ZNF330: variants seen among roughly 807,000 people sequenced by gnomAD.
The protein encoded by ZNF330 is zinc finger protein 330.
A neutral mutation model predicts 45.5 loss-of-function variants in ZNF330; 31 were observed. That is an observed-to-expected ratio of 0.68 (90% CI 0.51 to 0.92). ZNF330 has a LOEUF of 0.92. Ranked by LOEUF, ZNF330 falls within the 40% of genes least tolerant of loss-of-function variation. The pLI, the probability that ZNF330 is intolerant of heterozygous loss-of-function variation, is 0.00. For missense variants in ZNF330, 356 were observed against 387.4 expected (o/e 0.92, Z 0.68); for synonymous variants, 138 against 123.2 (o/e 1.12, Z -0.79).
chr4:141,223,545 T>G lies in ZNF330; in HGVS notation c.121-942T>G, dbSNP rs535298734. On this transcript the variant is annotated intron_variant, in intron 2 of 9. Transcript: ENST00000262990. ...ATTGTGCCTCAGAGAAGGAAAGAACTCTGAAAGGCTGGACTTCACCCAGTG... is the reference window on the plus strand; with the variant it reads ...ATTGTGCCTCAGAGAAGGAAAGAACGCTGAAAGGCTGGACTTCACCCAGTG... Among the ~76,000 whole-genome samples, 490 of 152,326 alleles carry G rather than the reference T, an allele frequency of 3.2e-3. 3 individuals carry two copies. Among genetic ancestry groups the G allele is most frequent in the Non-Finnish European group, 1.7e-3 (117 of 68,038 alleles).
intron 7 of ZNF330, among the ~76,000 whole-genome samples, chr4:141,230,728 T>C (rs1474278889): frequency 5.9e-5 from 9 of 152,102 alleles, no homozygotes; most frequent in Admixed American, 3.3e-4. Context: ...ATAATGTAGA[T>C]GTCCAGGCCT....
chr4:141,224,717 C>CT (rs1188058093), intron 4 of ZNF330, 40 bp downstream of exon 4: 1 of 1,560,008 alleles, frequency 6.4e-7, no homozygotes, highest in Non-Finnish European at 8.8e-7. Context: ...TTTTTATCAA[C>CT]TGGTAGTTCA....
At chr4:141,226,477 T>C (rs966647302) in intron 4 of ZNF330, among the ~76,000 whole-genome samples, 5 of 152,156 alleles carry the variant, frequency 3.3e-5, no homozygotes, top group African/African-American at 4.8e-5. Context: ...ATCATTAGAT[T>C]ACAAAGCATA....
chr4:141,232,090 C>T (rs1728974523), intron 8 of ZNF330, among the ~76,000 whole-genome samples: 1 of 152,072 alleles, frequency 6.6e-6, no homozygotes, highest in Admixed American at 6.6e-5. Flanking sequence ...CTTCGTGTCT[C>T]TAAGATGCCT....
At chr4:141,221,990 G>T (rs1477475116) in intron 1 of ZNF330, among the ~76,000 whole-genome samples, 2 of 152,066 alleles carry the variant, frequency 1.3e-5, no homozygotes, top group Admixed American at 1.3e-4. Context: ...GCTAAATAAT[G>T]CTCTTATTAA....
intron 4 of ZNF330, among the ~76,000 whole-genome samples, chr4:141,226,432 T>C (rs1316886099): frequency 6.6e-6 from 1 of 152,172 alleles, no homozygotes; most frequent in African/African-American, 2.4e-5. Flanking sequence ...TTTTGAATAA[T>C]CTGAAGATTG....
At position 141,233,782 on chromosome 4, in the gene ZNF330, T is replaced by G. The variant is rs1330305186; in HGVS notation, c.756T>G (p.Ala252=). The G allele has an allele frequency of 6.2e-7, 1 of 1,613,648 alleles. No individual in the cohort carries two copies. Among genetic ancestry groups the G allele is most frequent in the South Asian group, 1.1e-5 (1 of 91,072 alleles). The change falls in exon 10 of 10, where the codon GCT becomes GCG. Residue 252 remains alanine, a synonymous_variant. Coordinates refer to ENST00000262990, the MANE Select transcript of ZNF330 (RefSeq NM_014487.6). ...EEGDGASGYD[A]YWKNLSSDKY... is the part of the protein sequence containing the mutation. Reference sequence around the variant, plus strand: ...GAGATGGAGCTTCTGGGTATGATGCTTATTGGAAGAACCTTTCATCTGATA... The same window carrying G: ...GAGATGGAGCTTCTGGGTATGATGCGTATTGGAAGAACCTTTCATCTGATA...
intron 5 of ZNF330, among the ~76,000 whole-genome samples, chr4:141,227,486 G>T (rs1316221896): frequency 6.6e-6 from 1 of 152,072 alleles, no homozygotes; most frequent in African/African-American, 2.4e-5. Flanking sequence ...TTTTATGGCT[G>T]TATAGTATTC....
At position 141,224,487 on chromosome 4, in the gene ZNF330, G is replaced by T; in HGVS notation, c.121G>T (p.Glu41Ter). 6.2e-7 allele frequency: 1 copy of T among 1,606,556 alleles called. No homozygotes were observed. The highest frequency in any genetic ancestry group is 8.5e-7 in the Non-Finnish European group (1 of 1,175,072). The change falls in exon 3 of 10, where the codon GAA becomes TAA. Residue 41 changes from glutamate to a stop codon, truncating the protein, a stop_gained and splice_region_variant. Transcript: ENST00000262990. LOFTEE classifies it high-confidence loss of function. ...AATGTGATATTTTTATATGTTACAG[G>T]AATGTGACAAGTGTCAGAGGTAAAT... The part of the protein sequence containing the change: ...LAKHPCNASM[E>*]CDKCQRRQKN...
At chr4:141,222,202 T>C (rs1728695849) in intron 1 of ZNF330, among the ~76,000 whole-genome samples, 164 bp from the exon 2 acceptor site, 6 of 152,160 alleles carry the variant, frequency 3.9e-5, no homozygotes, top group Admixed American at 3.3e-4. Context: ...TGGAATAATA[T>C]GTGCTTAACG....
At chr4:141,225,540 A>G (rs1168626991) in intron 4 of ZNF330, among the ~76,000 whole-genome samples, 6 of 80,842 alleles carry the variant, frequency 7.4e-5, no homozygotes, top group Admixed American at 7.1e-4. Context: ...TGAGATAATA[A>G]TAATAATTTC....
intron 6 of ZNF330, among the ~76,000 whole-genome samples, 185 bp from the exon 7 acceptor site, chr4:141,229,981 C>G (rs1181538482): frequency 3.3e-5 from 5 of 151,994 alleles, no homozygotes; most frequent in African/African-American, 4.8e-5. Context: ...CCCCTTTTCT[C>G]AGTTTCAGTT....
At chr4:141,232,459 G>A in intron 8 of ZNF330, 66 bp from the exon 9 acceptor site, 1 of 883,458 alleles carries the variant, frequency 1.1e-6, no homozygotes, top group Non-Finnish European at 1.6e-6. Flanking sequence ...TTAAAACACT[G>A]AATACTGTCT....
At chr4:141,232,669 T>A in intron 9 of ZNF330, 27 bp downstream of exon 9, 1 of 1,296,390 alleles carries the variant, frequency 7.7e-7, no homozygotes, top group Non-Finnish European at 1.0e-6. Context: ...ACTAAGGAAG[T>A]GATTTTTGCT....
At chr4:141,228,487 C>T (rs1332380648) in intron 5 of ZNF330, among the ~76,000 whole-genome samples, 3 of 152,040 alleles carry the variant, frequency 2.0e-5, no homozygotes, top group Admixed American at 6.6e-5. Flanking sequence ...TTGGTTTTAT[C>T]CTTTCTCTAA....
chr4:141,227,288 C>A (rs1294187319), intron 5 of ZNF330, among the ~76,000 whole-genome samples: 1 of 151,980 alleles, frequency 6.6e-6, no homozygotes, highest in African/African-American at 2.4e-5. Flanking sequence ...CCCATCCCCC[C>A]ACCCCACAAC....
intron 7 of ZNF330, 134 bp from the exon 8 acceptor site, chr4:141,231,305 G>A (rs889697068): frequency 1.8e-6 from 1 of 561,992 alleles, no homozygotes. Flanking sequence ...GTGTTTTATA[G>A]CATTTGAACC....
chr4:141,234,164 TA>T lies in ZNF330; in HGVS notation c.*176del. The T allele has an allele frequency of 8.2e-7, 1 of 1,212,798 alleles. No homozygotes were observed. Among genetic ancestry groups the T allele is most frequent in the Non-Finnish European group, 1.1e-6 (1 of 934,994 alleles). 75.1% of individuals were successfully genotyped at this position (1,212,798 alleles called of 1,614,324 possible). On this transcript the variant is annotated 3_prime_UTR_variant, in exon 10 of 10. Coordinates refer to ENST00000262990, the MANE Select transcript of ZNF330 (RefSeq NM_014487.6). ...TTTTTATAGAACTGATAATCAGGCT[TA>T]TGGCATAAGAAAAATGAGTTTCAAA... is the stretch of plus-strand genomic sequence containing the variant.
chr4:141,222,810 A>G (rs1728715425), intron 2 of ZNF330: 2 of 172,486 alleles, frequency 1.2e-5, no homozygotes, highest in African/African-American at 4.8e-5. Flanking sequence ...ATATTTTCTT[A>G]GCAATTCTTT....
Sources: allele counts gnomAD v4.1 joint callset (sites outside exome capture counted in the v4.1 genomes callset), GRCh38; gene constraint gnomAD v4.1.1; transcripts MANE v1.5; gene names NCBI Gene and HGNC (gene_info 2026-07-23, HGNC 2026-07-21).